Variants in SNTG1 observed in about 807,000 individuals in gnomAD.
SNTG1 encodes the protein gamma-1-syntrophin.
In SNTG1, 39 loss-of-function variants were observed where a neutral mutation model predicts 74.7. The observed-to-expected ratio is 0.52, with a 90% confidence interval of 0.40 to 0.68. The LOEUF (loss-of-function observed/expected upper bound fraction) is 0.68, where lower values mean the gene tolerates loss of function less well. SNTG1 is among the 30% of genes least tolerant of loss of function. SNTG1 has a pLI of 0.00. For missense variants in SNTG1, 685 were observed against 609.5 expected, an observed-to-expected ratio of 1.12 and a Z score of -1.30; for synonymous variants, 254 against 217.1, an observed-to-expected ratio of 1.17 and a Z score of -1.49.
intron 1 of SNTG1, among the ~76,000 whole-genome samples, chr8:50,127,949 C>T (rs1244499727): frequency 1.3e-5 from 2 of 152,198 alleles, no homozygotes; most frequent in African/African-American, 4.8e-5. Flanking sequence ...CAATAGGTGG[C>T]TTTTAAATGT....
At chr8:50,013,795 A>T (rs1816054979) in intron 1 of SNTG1, among the ~76,000 whole-genome samples, 2 of 152,110 alleles carry the variant, frequency 1.3e-5, no homozygotes, top group Non-Finnish European at 2.9e-5. Context: ...TAATAAAGGA[A>T]TATATAAGCA....
chr8:50,674,023 A>G (rs2095298079), intron 15 of SNTG1, among the ~76,000 whole-genome samples: 1 of 152,206 alleles, frequency 6.6e-6, no homozygotes, highest in African/African-American at 2.4e-5. Flanking sequence ...CCAGGGATGA[A>G]GCTGACTTGA....
intron 3 of SNTG1, among the ~76,000 whole-genome samples, chr8:50,401,977 T>C (rs548143479): frequency 5.9e-5 from 9 of 152,292 alleles, no homozygotes; most frequent in African/African-American, 2.2e-4. Flanking sequence ...CCCCACTTCT[T>C]TGTGTGAATT....
intron 3 of SNTG1, among the ~76,000 whole-genome samples, chr8:50,397,494 A>G (rs1236973718): frequency 6.6e-6 from 1 of 152,126 alleles, no homozygotes; most frequent in Non-Finnish European, 1.5e-5. Flanking sequence ...AGGAGTGGAG[A>G]TCAAACTTCT....
intron 9 of SNTG1, among the ~76,000 whole-genome samples, chr8:50,521,309 C>A (rs1476716101): frequency 6.6e-6 from 1 of 152,100 alleles, no homozygotes; most frequent in East Asian, 1.9e-4. Context: ...AGGAGAAATG[C>A]CTAATGTAGG....
At chr8:50,184,233 T>G (rs990104521) in intron 2 of SNTG1, among the ~76,000 whole-genome samples, 4 of 151,818 alleles carry the variant, frequency 2.6e-5, no homozygotes, top group Non-Finnish European at 5.9e-5. Context: ...TGGTGTGATC[T>G]CGGCTCACTG....
intron 4 of SNTG1, among the ~76,000 whole-genome samples, chr8:50,405,558 C>A (rs2092862654): frequency 6.6e-6 from 1 of 152,002 alleles, no homozygotes; most frequent in Admixed American, 6.6e-5. Context: ...AGTCCCTTAT[C>A]AGATATGTGA....
chr8:50,425,269 T>C (rs62517652), intron 4 of SNTG1, among the ~76,000 whole-genome samples: 129,589 of 151,674 alleles, frequency 0.85, 55,482 homozygotes, highest in Non-Finnish European at 0.89. Context: ...CTGCTGCTGG[T>C]CACACAGCAG....
chr8:50,147,753 G>T (rs1189996094), intron 1 of SNTG1, among the ~76,000 whole-genome samples: 1 of 152,182 alleles, frequency 6.6e-6, no homozygotes, highest in East Asian at 1.9e-4. Flanking sequence ...TATATGAGAT[G>T]CAGGTTAGGA....
intron 1 of SNTG1, among the ~76,000 whole-genome samples, chr8:50,069,347 T>C (rs1013408730): frequency 2.0e-5 from 3 of 152,164 alleles, no homozygotes; most frequent in African/African-American, 7.2e-5. Flanking sequence ...AAGGCTTTTC[T>C]ATTCTAGAAT....
intron 17 of SNTG1, chr8:50,709,316 A>G (rs946395040): frequency 1.2e-5 from 4 of 327,290 alleles, no homozygotes; most frequent in Middle Eastern, 1.6e-3. Flanking sequence ...TTTTTAAAAA[A>G]CATGTTTCTT....
chr8:50,170,407 A>T (rs1330779292), intron 1 of SNTG1, among the ~76,000 whole-genome samples: 1 of 152,156 alleles, frequency 6.6e-6, no homozygotes, highest in African/African-American at 2.4e-5. Flanking sequence ...AAGATATGAT[A>T]ATGATTCTAG....
chr8:49,966,149 T>G (rs1045339003), intron 1 of SNTG1, among the ~76,000 whole-genome samples: 3 of 152,134 alleles, frequency 2.0e-5, no homozygotes, highest in African/African-American at 7.2e-5. Flanking sequence ...ATTGGGAAAA[T>G]CTGAGAAAAA....
At chr8:50,327,519 G>A (rs540301523) in intron 2 of SNTG1, among the ~76,000 whole-genome samples, 1 of 152,134 alleles carries the variant, frequency 6.6e-6, no homozygotes, top group Non-Finnish European at 1.5e-5. Context: ...ATGTCTTTCT[G>A]TATCCTCTTA....
chr8:49,953,001 T>A (rs958512682), intron 1 of SNTG1, among the ~76,000 whole-genome samples: 2 of 152,132 alleles, frequency 1.3e-5, no homozygotes, highest in African/African-American at 2.4e-5. Flanking sequence ...CATGCAGAGA[T>A]GCAAATCAAT....
At chr8:50,173,443 T>C (rs1291592866) in intron 2 of SNTG1, among the ~76,000 whole-genome samples, 1 of 152,176 alleles carries the variant, frequency 6.6e-6, no homozygotes, top group African/African-American at 2.4e-5. Flanking sequence ...TGATATATGT[T>C]GGGTTTCAAT....
chr8:50,593,038 T>A (rs2130885806), intron 13 of SNTG1, among the ~76,000 whole-genome samples: 1 of 152,258 alleles, frequency 6.6e-6, no homozygotes, highest in South Asian at 2.1e-4. Flanking sequence ...ACACATATAA[T>A]CCCATTTCTG....
intron 13 of SNTG1, among the ~76,000 whole-genome samples, chr8:50,606,001 G>C (rs988085632): frequency 1.8e-4 from 27 of 152,114 alleles, no homozygotes; most frequent in Admixed American, 1.8e-3. Context: ...TGATCTTTTT[G>C]ATGTGTATTT....
At chr8:49,930,858 A>G (rs1563361581) in intron 1 of SNTG1, among the ~76,000 whole-genome samples, 1 of 152,210 alleles carries the variant, frequency 6.6e-6, no homozygotes, top group Non-Finnish European at 1.5e-5. Flanking sequence ...TGCATGAAAT[A>G]TGAAAATTAA....
Sources: gnomAD v4.1 joint callset for allele counts (sites outside exome capture counted in the v4.1 genomes callset) on GRCh38, gnomAD v4.1.1 for gene constraint, MANE v1.5 for transcripts, NCBI Gene and HGNC (gene_info 2026-07-23, HGNC 2026-07-21) for gene names.